The following SOS1 variants were observed in gnomAD, a reference collection of about 807,000 sequenced individuals.
The protein encoded by SOS1 is son of sevenless homolog 1.
In SOS1, 25 loss-of-function variants were observed where a neutral mutation model predicts 157.6. The ratio of observed to expected loss-of-function variants is 0.16; its 90% confidence interval spans 0.12 to 0.22. The LOEUF (loss-of-function observed/expected upper bound fraction) is 0.22. SOS1 is among the 10% of genes least tolerant of loss of function. SOS1 has a pLI of 1.00. For missense variants in SOS1, 1,237 were observed against 1,599.1 expected (o/e 0.77, Z 3.86); for synonymous variants, 528 against 534.0 (o/e 0.99, Z 0.16).
intron 4 of SOS1, 25 bp from the exon 5 acceptor site, chr2:39,054,848 G>T: frequency 8.7e-7 from 1 of 1,147,100 alleles, no homozygotes; most frequent in Non-Finnish European, 1.3e-6. Context: ...ATATAAAAAA[G>T]TATAATAAAA....
intron 1 of SOS1, among the ~76,000 whole-genome samples, chr2:39,119,118 C>G (rs1216436539): frequency 6.6e-6 from 1 of 152,124 alleles, no homozygotes; most frequent in Admixed American, 6.5e-5. Flanking sequence ...GTCAAACTTG[C>G]AAGTAAAGCA....
intron 2 of SOS1, 70 bp downstream of exon 2, chr2:39,067,558 C>T (rs1035784753): frequency 4.3e-6 from 6 of 1,392,324 alleles, no homozygotes; most frequent in Non-Finnish European, 6.1e-6. Context: ...AAATTCTTTC[C>T]CTGTTCACTG....
At chr2:39,085,842 A>G (rs1298352163) in intron 1 of SOS1, among the ~76,000 whole-genome samples, 6 of 152,250 alleles carry the variant, frequency 3.9e-5, no homozygotes, top group Non-Finnish European at 7.3e-5. Context: ...AGTATAAGAG[A>G]CACAGGCCCC....
intron 20 of SOS1, among the ~76,000 whole-genome samples, chr2:38,991,657 G>A (rs1668737655): frequency 6.6e-6 from 1 of 152,160 alleles, no homozygotes; most frequent in Admixed American, 6.6e-5. Context: ...TCTCTGCCCT[G>A]TCTTTGCCAC....
intron 1 of SOS1, among the ~76,000 whole-genome samples, chr2:39,096,148 G>A (rs1258424140): frequency 6.6e-6 from 1 of 152,114 alleles, no homozygotes; most frequent in Admixed American, 6.5e-5. Context: ...ACCTAGACAG[G>A]GGAAAGCAAG....
chr2:39,029,027 G>T (rs1443957936), intron 8 of SOS1, among the ~76,000 whole-genome samples: 1 of 152,098 alleles, frequency 6.6e-6, no homozygotes, highest in Non-Finnish European at 1.5e-5. Flanking sequence ...GTAATTCAAG[G>T]CTTTTGCTCC....
intron 1 of SOS1, among the ~76,000 whole-genome samples, chr2:39,110,755 T>A (rs1558518737): frequency 6.6e-6 from 1 of 150,814 alleles, no homozygotes; most frequent in African/African-American, 2.5e-5. Context: ...TTCTTAGATA[T>A]AAGAGAGCAA....
rs376722127 is a variant in SOS1 at position 38,995,183 on chromosome 2, A to T, written c.3286T>A (p.Ser1096Thr). Residue 1096 changes from serine (S) to threonine (T), a missense_variant, in exon 20 of 23, where the codon TCC becomes ACC. By Grantham distance (58) the Ser-to-Thr change is moderately conservative. Around this residue, in one of 15 missense-constraint regions of SOS1, gnomAD observed 306 missense variants for 322.6 expected, o/e 0.95. Coordinates refer to ENST00000402219, the MANE Select transcript of SOS1 (RefSeq NM_005633.4). ...ACACTGCAAACATCTGTGGTACTGG[A>T]AGCACCAGAAGCAGGCGGAGGTGTT... The part of the protein sequence containing the change: ...PLTPPPASGA[S>T]STTDVCSVFD... 588 of 1,613,732 alleles carry T rather than the reference A, an allele frequency of 3.6e-4. No homozygotes were observed. The highest frequency in any genetic ancestry group is 4.9e-4 in the Non-Finnish European group (577 of 1,179,748).
chr2:39,051,578 T>C (rs1429304718), intron 5 of SOS1, among the ~76,000 whole-genome samples: 1 of 152,180 alleles, frequency 6.6e-6, no homozygotes, highest in Non-Finnish European at 1.5e-5. Flanking sequence ...TTTATAACTA[T>C]GTATTTCAAT....
At chr2:39,055,368 T>C (rs527535138) in intron 4 of SOS1, among the ~76,000 whole-genome samples, 34 of 152,274 alleles carry the variant, frequency 2.2e-4, no homozygotes, top group African/African-American at 8.2e-4. Context: ...TTATTTTATC[T>C]TGTGTGCTTT....
chr2:39,041,787 GT>G (rs1232906418), intron 6 of SOS1, among the ~76,000 whole-genome samples: 1 of 151,926 alleles, frequency 6.6e-6, no homozygotes, highest in Non-Finnish European at 1.5e-5. Context: ...TTCCTTTCTG[GT>G]TTACTCTATG....
At chr2:39,034,081 A>C (rs1473407695) in intron 8 of SOS1, among the ~76,000 whole-genome samples, 2 of 152,226 alleles carry the variant, frequency 1.3e-5, no homozygotes, top group African/African-American at 4.8e-5. Flanking sequence ...TATCCTCTTA[A>C]GATACTCATC....
intron 1 of SOS1, among the ~76,000 whole-genome samples, chr2:39,068,801 G>GT (rs1671680251): frequency 6.6e-6 from 1 of 151,954 alleles, no homozygotes; most frequent in Non-Finnish European, 1.5e-5. Context: ...AAGCTTGCAT[G>GT]TTAATAAACA....
At chr2:39,092,830 C>G (rs1392449046) in intron 1 of SOS1, among the ~76,000 whole-genome samples, 4 of 152,152 alleles carry the variant, frequency 2.6e-5, no homozygotes, top group African/African-American at 4.8e-5. Context: ...CTTGAAAGCT[C>G]TAAATTAGTT....
intron 2 of SOS1, among the ~76,000 whole-genome samples, chr2:39,067,267 G>A (rs1671619796): frequency 6.6e-6 from 1 of 151,990 alleles, no homozygotes; most frequent in African/African-American, 2.4e-5. Flanking sequence ...TTCTGCTTTG[G>A]CCTCCCAAAG....
intron 5 of SOS1, 163 bp from the exon 6 acceptor site, chr2:39,051,450 C>T (rs1671014020): frequency 6.3e-6 from 4 of 639,590 alleles, no homozygotes; most frequent in Non-Finnish European, 1.1e-5. Context: ...TCAAGAATTC[C>T]TTCTGCAAAG....
rs547568642 is a variant in SOS1, at chr2:39,085,554, T to G, written c.88-17801A>C. Among the ~76,000 whole-genome samples the G allele has an allele frequency of 2.6e-5, 4 of 152,344 alleles. No homozygotes were observed. The South Asian group carries it at 8.3e-4, about 32-fold the overall frequency. ...ACCTCTAAGCAGGAGATTCTAGTTT[T>G]TAGTAAACCAAAGCCATAACAAGCA... On this transcript the variant is annotated intron_variant, in intron 1 of 22. Coordinates refer to ENST00000402219, the MANE Select transcript of SOS1 (RefSeq NM_005633.4).
At chr2:39,093,233 A>C (rs1474100573) in intron 1 of SOS1, among the ~76,000 whole-genome samples, 2 of 152,340 alleles carry the variant, frequency 1.3e-5, no homozygotes, top group East Asian at 3.9e-4. Flanking sequence ...CCTGGGTTAG[A>C]ATCTTTCCTA....
At chr2:39,110,145 G>C (rs1032988627) in intron 1 of SOS1, among the ~76,000 whole-genome samples, 1 of 151,574 alleles carries the variant, frequency 6.6e-6, no homozygotes, top group African/African-American at 2.4e-5. Flanking sequence ...ACCTCCCTCA[G>C]ATACCAGAAT....
Sources: gnomAD v4.1 joint callset for allele counts (sites outside exome capture counted in the v4.1 genomes callset) on GRCh38, gnomAD v4.1.1 for gene constraint, gnomAD v4.1.1 regional missense constraint, MANE v1.5 for transcripts, NCBI Gene and HGNC (gene_info 2026-07-23, HGNC 2026-07-21) for gene names.